The following AXIN2 variants were observed in gnomAD, a reference collection of about 807,000 sequenced individuals.
The protein encoded by AXIN2 is axin 2.
Under a neutral mutation model 74.7 loss-of-function variants are expected in AXIN2, and 21 were observed. The observed-to-expected ratio is 0.28, with a 90% confidence interval of 0.20 to 0.40. The LOEUF (loss-of-function observed/expected upper bound fraction) is 0.40, where lower values mean the gene tolerates loss of function less well. Ranked by LOEUF, AXIN2 falls within the 10% of genes least tolerant of loss-of-function variation. AXIN2 has a pLI of 1.00. For missense variants in AXIN2, 1,144 were observed against 1,111.1 expected (o/e 1.03, Z -0.42); for synonymous variants, 532 against 454.9 (o/e 1.17, Z -2.16).
At chr17:65,547,647 T>C (rs909874149) in intron 3 of AXIN2, among the ~76,000 whole-genome samples, 1 of 152,220 alleles carries the variant, frequency 6.6e-6, no homozygotes, top group Non-Finnish European at 1.5e-5. Context: ...AACAGAAGTC[T>C]TATCGTCTGA....
intron 2 of AXIN2, among the ~76,000 whole-genome samples, chr17:65,557,258 T>C (rs972499767): frequency 3.3e-5 from 5 of 152,274 alleles, no homozygotes; most frequent in African/African-American, 1.2e-4. Context: ...TGGGTAAATA[T>C]CTAATTCTAC....
At chr17:65,561,367 C>T (rs1480350682) in intron 1 of AXIN2, 83 bp downstream of exon 1, 1 of 144,112 alleles carries the variant, frequency 6.9e-6, no homozygotes, top group African/African-American at 2.5e-5. Context: ...CGCGCCCACG[C>T]CGCGGCTCGG....
In AXIN2 at chr17:65,558,665, C is replaced by T. The variant is rs2044314867; in HGVS notation, c.-45G>A. ...CTGAGTCTGGGAATTTTTCTTCTTC[C>T]AGTTCCTCTCAGCAATCGGCGTGGT... On this transcript the variant is annotated 5_prime_UTR_variant, in exon 2 of 11. Transcript: ENST00000307078. 1 of 1,566,578 alleles carries T rather than the reference C, an allele frequency of 6.4e-7. No individual in the cohort carries two copies. The highest frequency in any genetic ancestry group is 1.1e-5 in the South Asian group (1 of 88,146).
intron 10 of AXIN2, among the ~76,000 whole-genome samples, chr17:65,530,972 C>G (rs1319195713): frequency 6.6e-6 from 1 of 152,210 alleles, no homozygotes. Flanking sequence ...GCCAGGCCCA[C>G]CCCTAAACCC....
intron 9 of AXIN2, 88 bp from the exon 10 acceptor site, chr17:65,534,167 G>C: frequency 1.3e-6 from 2 of 1,491,972 alleles, no homozygotes; most frequent in Non-Finnish European, 1.9e-6. Context: ...ATGTGCATAA[G>C]TGACAGGGTA....
In AXIN2 at chr17:65,536,057, A is replaced by G. The variant is rs11079570; in HGVS notation, c.2141+263T>C. Among the ~76,000 whole-genome samples the G allele has an allele frequency of 0.52, 78,374 of 152,122 alleles. 22,742 individuals are homozygous for G. The highest frequency in any genetic ancestry group is 0.65 in the Non-Finnish European group (44,242 of 67,968). ...ACATTTGTAAGGAATGGGATTTGTA[A>G]GCAATTGCTGAAATTCATTCTCCCA... On this transcript the variant is annotated intron_variant, in intron 8 of 10. Transcript: ENST00000307078.
In AXIN2 at chr17:65,558,687, T is replaced by C; in HGVS notation, c.-67A>G. The C allele has an allele frequency of 6.7e-7, 1 of 1,496,708 alleles. No individual in the cohort carries two copies. 92.7% of individuals were successfully genotyped at this position (1,496,708 alleles called of 1,614,324 possible). A position where few individuals can be genotyped will look rare whatever the true frequency, so the allele number is the denominator to read the frequency against. Reference sequence around the variant, plus strand: ...TTCCAGTTCCTCTCAGCAATCGGCGTGGTCTCTCTGTCTCTCTCAAGTCAG... The same window carrying C: ...TTCCAGTTCCTCTCAGCAATCGGCGCGGTCTCTCTGTCTCTCTCAAGTCAG... On this transcript the variant is annotated 5_prime_UTR_variant, in exon 2 of 11. Coordinates refer to ENST00000307078, the MANE Select transcript of AXIN2 (RefSeq NM_004655.4).
intron 6 of AXIN2, 100 bp from the exon 7 acceptor site, chr17:65,537,163 A>G: frequency 6.5e-7 from 1 of 1,544,276 alleles, no homozygotes; most frequent in Non-Finnish European, 8.8e-7. Context: ...TGGTGACACG[A>G]AAGACCCATG....
chr17:65,536,484 C>A lies in AXIN2; in HGVS notation c.1977G>T (p.Arg659=). Residue 659 remains arginine (R), a synonymous_variant, in exon 8 of 11, where the codon CGG becomes CGT. Coordinates refer to ENST00000307078, the MANE Select transcript of AXIN2 (RefSeq NM_004655.4). The part of the protein sequence containing the change: ...ARSSPGERAS[R]HHLWGGNSGH... ...CGCTGTTGCCCCCCCACAGATGGTG[C>A]CGGCTGGCTCGTTCGCCTGGAGACG... 1 of 1,613,812 alleles carries A rather than the reference C, an allele frequency of 6.2e-7. No homozygotes were observed. The highest frequency in any genetic ancestry group is 8.5e-7 in the Non-Finnish European group (1 of 1,179,988).
intron 4 of AXIN2, among the ~76,000 whole-genome samples, chr17:65,541,010 G>A (rs2044033288): frequency 6.6e-6 from 1 of 152,124 alleles, no homozygotes; most frequent in African/African-American, 2.4e-5. Flanking sequence ...CCAAGTAGCT[G>A]GGACTACAGG....
At chr17:65,533,120 T>G (rs1441814176) in intron 10 of AXIN2, among the ~76,000 whole-genome samples, 1 of 152,192 alleles carries the variant, frequency 6.6e-6, no homozygotes, top group Non-Finnish European at 1.5e-5. Context: ...CCTCAGCTCT[T>G]GAACCCTCTC....
At chr17:65,558,818 G>T in intron 1 of AXIN2, 82 bp from the exon 2 acceptor site, 1 of 616,114 alleles carries the variant, frequency 1.6e-6, no homozygotes, top group Non-Finnish European at 2.9e-6. Flanking sequence ...CAACATCAAA[G>T]CAAGAAAGTA....
rs376505336 is a variant in AXIN2, at chr17:65,538,353, G to A, written c.1060-10C>T. On this transcript the variant is annotated splice_polypyrimidine_tract_variant and intron_variant, in intron 4 of 10. Coordinates refer to ENST00000307078, the MANE Select transcript of AXIN2 (RefSeq NM_004655.4). Reference sequence around the variant, plus strand: ...GCAGGCGGTGGGTTCTCTACAGGACGTGGAAAGGAAAGGGAGGAGGCACGT... The same window carrying A: ...GCAGGCGGTGGGTTCTCTACAGGACATGGAAAGGAAAGGGAGGAGGCACGT... 33 of 1,613,942 alleles carry A rather than the reference G, an allele frequency of 2.0e-5. No homozygotes were observed. The highest frequency in any genetic ancestry group is 3.3e-5 in the Admixed American group (2 of 60,014).
At chr17:65,557,353 A>G (rs79995637) in intron 2 of AXIN2, among the ~76,000 whole-genome samples, 2,008 of 152,192 alleles carry the variant, frequency 0.013, 41 homozygotes, top group African/African-American at 0.046. Flanking sequence ...TTACCCCTCA[A>G]TGGGTGCACA....
At chr17:65,551,717 G>A (rs1032285099) in intron 2 of AXIN2, among the ~76,000 whole-genome samples, 4 of 152,102 alleles carry the variant, frequency 2.6e-5, no homozygotes, top group African/African-American at 9.7e-5. Flanking sequence ...AAAGTTACAG[G>A]GCCATAAACT....
In AXIN2 at chr17:65,536,850, GGCGGCAA is replaced by G. The variant is rs2144447706; in HGVS notation, c.1907+12_1907+18del. On this transcript the variant is annotated intron_variant, in intron 7 of 10. Coordinates refer to ENST00000307078, the MANE Select transcript of AXIN2 (RefSeq NM_004655.4). ...TGCCCATGACCCTCGCGGCCGCGGC[GGCGGCAA>G]GCGGTGTTTACCTATGGGGCTTGGG... The G allele has an allele frequency of 6.2e-7, 1 of 1,612,482 alleles. No individual in the cohort carries two copies. The highest frequency in any genetic ancestry group is 8.5e-7 in the Non-Finnish European group (1 of 1,179,838).
intron 3 of AXIN2, among the ~76,000 whole-genome samples, chr17:65,547,087 G>C (rs1444413976): frequency 1.3e-5 from 2 of 152,176 alleles, no homozygotes; most frequent in African/African-American, 4.8e-5. Context: ...TCAGCTAAAG[G>C]GGGAAGGGTG....
intron 5 of AXIN2, 177 bp from the exon 6 acceptor site, chr17:65,538,012 G>A (rs1053831164): frequency 4.5e-6 from 6 of 1,325,390 alleles, no homozygotes; most frequent in African/African-American, 1.5e-5. Flanking sequence ...ACACGCATAT[G>A]CACACCCACA....
chr17:65,537,459 T>C lies in AXIN2; in HGVS notation c.1577A>G (p.Lys526Arg), dbSNP rs778137043. ...CTCCGCCTCGATCTCCTCCTTGGTC[T>C]TGGGGACGGCATGGTGGTGGATGTA... ...HHYIHHHAVP[K>R]TKEEIEAEAT... The change falls in exon 6 of 11, where the codon AAG becomes AGG. Residue 526 changes from lysine (K) to arginine (R), a missense_variant. Lys to Arg is a conservative substitution (Grantham distance 26). This residue lies in a region of AXIN2 where 1,053 missense variants were observed against 973.5 expected (regional missense o/e 1.08). Transcript: ENST00000307078. 5.6e-6 allele frequency: 9 copies of C among 1,613,924 alleles called. No individual in the cohort carries two copies. Among genetic ancestry groups the C allele is most frequent in the Non-Finnish European group, 7.6e-6 (9 of 1,179,978 alleles).
Sources: allele counts gnomAD v4.1 joint callset (sites outside exome capture counted in the v4.1 genomes callset), GRCh38; gene constraint gnomAD v4.1.1; regional missense constraint gnomAD v4.1.1; transcripts MANE v1.5; gene names NCBI Gene and HGNC (gene_info 2026-07-23, HGNC 2026-07-21).